Variants in DLC1 observed in about 807,000 individuals in gnomAD.
DLC1 encodes rho GTPase-activating protein 7.
In DLC1, 54 loss-of-function variants were observed where a neutral mutation model predicts 140.3. The ratio of observed to expected loss-of-function variants is 0.38; its 90% CI spans 0.31 to 0.48. The LOEUF (loss-of-function observed/expected upper bound fraction) is 0.48, where lower values mean the gene tolerates loss of function less well. Among genes scored for constraint, DLC1 ranks in the 20% least tolerant of loss-of-function variants. DLC1 has a pLI of 0.96. For missense variants in DLC1, 2,536 were observed against 1,907.0 expected, an observed-to-expected ratio of 1.33 and a Z score of -6.14; for synonymous variants, 986 against 728.1, an observed-to-expected ratio of 1.35 and a Z score of -5.70.
chr8:13,123,651 C>T (rs1429237851), intron 5 of DLC1, among the ~76,000 whole-genome samples: 1 of 152,036 alleles, frequency 6.6e-6, no homozygotes, highest in Non-Finnish European at 1.5e-5. Flanking sequence ...GCACCTGGGC[C>T]CTCTCTCCCT....
In DLC1 at chr8:13,239,332, C is replaced by T. The variant is rs113026770; in HGVS notation, c.1348+65937G>A. Among the ~76,000 whole-genome samples, 540 of 151,800 alleles carry T rather than the reference C, an allele frequency of 3.6e-3. 3 individuals carry two copies. The highest frequency in any genetic ancestry group is 0.012 in the African/African-American group (487 of 41,366). ...TACTGGGATGCTGTGTAGGTCAAAA[C>T]ACAAAGATGGGAATTGCTACGAGAT... On this transcript the variant is annotated intron_variant, in intron 5 of 17. Coordinates refer to ENST00000276297, the MANE Select transcript of DLC1 (RefSeq NM_182643.3).
At chr8:13,195,331 A>G (rs1404021678) in intron 5 of DLC1, among the ~76,000 whole-genome samples, 1 of 152,198 alleles carries the variant, frequency 6.6e-6, no homozygotes, top group Non-Finnish European at 1.5e-5. Flanking sequence ...TTGCAAGATC[A>G]AAAGCAGATG....
At chr8:13,203,702 CA>C (rs146884424) in intron 5 of DLC1, among the ~76,000 whole-genome samples, 2,168 of 152,202 alleles carry the variant, frequency 0.014, 22 homozygotes, top group Non-Finnish European at 0.021. Context: ...CTTTTTAAGG[CA>C]AATATTCCTC....
chr8:13,216,390 C>A (rs568002662), intron 5 of DLC1, among the ~76,000 whole-genome samples: 92 of 152,286 alleles, frequency 6.0e-4, no homozygotes, highest in African/African-American at 1.8e-3. Context: ...AAATCCAGTT[C>A]TTCTGAGTTG....
At chr8:13,350,025 C>G (rs768640648) in intron 4 of DLC1, among the ~76,000 whole-genome samples, 1 of 152,102 alleles carries the variant, frequency 6.6e-6, no homozygotes, top group Admixed American at 6.5e-5. Flanking sequence ...AGTCTGTGAT[C>G]AGAAACTAAA....
At chr8:13,113,496 G>A (rs1304763605) in intron 6 of DLC1, among the ~76,000 whole-genome samples, 1 of 152,176 alleles carries the variant, frequency 6.6e-6, no homozygotes, top group Non-Finnish European at 1.5e-5. Context: ...GGAGACACAG[G>A]GAATGGAATT....
chr8:13,567,744 T>C (rs921128564), intron 1 of DLC1: 1 of 1,552,080 alleles, frequency 6.4e-7, no homozygotes, highest in Non-Finnish European at 8.7e-7. Context: ...ATCAAGACTT[T>C]CCCAGGCTTT....
intron 5 of DLC1, among the ~76,000 whole-genome samples, chr8:13,208,823 A>G (rs1021439028): frequency 1.3e-5 from 2 of 152,106 alleles, no homozygotes; most frequent in Non-Finnish European, 2.9e-5. Flanking sequence ...CAATTCCTTA[A>G]AACTTGGAAG....
chr8:13,184,616 A>C (rs962924934), intron 5 of DLC1, among the ~76,000 whole-genome samples: 1 of 152,162 alleles, frequency 6.6e-6, no homozygotes, highest in Admixed American at 6.5e-5. Flanking sequence ...GTTTTGAGTT[A>C]GTTTTGTAAT....
In DLC1 at chr8:13,439,048, C is replaced by T. The variant is rs140967506; in HGVS notation, c.1024-37429G>A. Reference sequence around the variant, plus strand: ...TTTATTCATAAAAACAGGCAGAGGCCGAGCACAGTGGCTCATGCCTGTAAT... The same window carrying T: ...TTTATTCATAAAAACAGGCAGAGGCTGAGCACAGTGGCTCATGCCTGTAAT... On this transcript the variant is annotated intron_variant, in intron 2 of 17. Transcript: ENST00000276297. 1.9e-3 allele frequency among the ~76,000 whole-genome samples: 295 copies of T among 152,174 alleles called. 2 individuals carry two copies. Among genetic ancestry groups the T allele is most frequent in the Admixed American group, 9.0e-3 (137 of 15,274 alleles).
chr8:13,188,603 C>CTT (rs769280491), intron 5 of DLC1, among the ~76,000 whole-genome samples: 55 of 116,168 alleles, frequency 4.7e-4, no homozygotes, highest in South Asian at 2.5e-3. Flanking sequence ...ATGTCTATTA[C>CTT]TTTTTTTTTT....
intron 4 of DLC1, among the ~76,000 whole-genome samples, chr8:13,391,179 A>G (rs17216292): frequency 2.6e-5 from 4 of 151,930 alleles, no homozygotes; most frequent in Non-Finnish European, 4.4e-5. Context: ...CTGCATGTGT[A>G]TTGTCTAAGT....
At chr8:13,524,641 C>T (rs1002530528) in intron 1 of DLC1, among the ~76,000 whole-genome samples, 7 of 151,986 alleles carry the variant, frequency 4.6e-5, no homozygotes, top group African/African-American at 1.7e-4. Context: ...ACAGTTCCAT[C>T]TCTTAAAGTT....
chr8:13,088,442 T>A, intron 16 of DLC1, 45 bp downstream of exon 16: 1 of 1,596,878 alleles, frequency 6.3e-7, no homozygotes. Context: ...TTGGTTCATA[T>A]ATGGAGTCAT....
chr8:13,377,984 G>T (rs1836078389), intron 4 of DLC1, among the ~76,000 whole-genome samples: 1 of 151,142 alleles, frequency 6.6e-6, no homozygotes, highest in South Asian at 2.1e-4. Flanking sequence ...TATGTTAAGT[G>T]TAGTAGTACC....
intron 7 of DLC1, 21 bp downstream of exon 7, chr8:13,110,721 A>G (rs1434860098): frequency 6.2e-7 from 1 of 1,605,138 alleles, no homozygotes; most frequent in African/African-American, 1.3e-5. Context: ...AAAGGAAAAC[A>G]CTCAAAACGT....
At chr8:13,289,522 G>T (rs1346857689) in intron 5 of DLC1, among the ~76,000 whole-genome samples, 1 of 151,900 alleles carries the variant, frequency 6.6e-6, no homozygotes, top group African/African-American at 2.4e-5. Flanking sequence ...GTAGAGGCAA[G>T]CTCTCACTAT....
chr8:13,089,549 C>A (rs531267613), intron 15 of DLC1, among the ~76,000 whole-genome samples: 1 of 152,014 alleles, frequency 6.6e-6, no homozygotes, highest in Non-Finnish European at 1.5e-5. Flanking sequence ...AGCTTGAAAC[C>A]GGGAGGCAGA....
chr8:13,432,214 G>A (rs1838911466), intron 2 of DLC1, among the ~76,000 whole-genome samples: 1 of 152,102 alleles, frequency 6.6e-6, no homozygotes, highest in Non-Finnish European at 1.5e-5. Context: ...TATTGAAAAT[G>A]AGACCTAACT....
Sources: gnomAD v4.1 joint callset for allele counts (sites outside exome capture counted in the v4.1 genomes callset) on GRCh38, gnomAD v4.1.1 for gene constraint, MANE v1.5 for transcripts, NCBI Gene and HGNC (gene_info 2026-07-23, HGNC 2026-07-21) for gene names.